The following ANKHD1 variants were observed in gnomAD, a reference collection of about 807,000 sequenced individuals.
The protein encoded by ANKHD1 is ankyrin repeat and KH domain-containing protein 1.
Under a neutral mutation model 230.5 loss-of-function variants are expected in ANKHD1, and 31 were observed. That is an observed-to-expected ratio of 0.13 (90% CI 0.10 to 0.18). The LOEUF (loss-of-function observed/expected upper bound fraction) is 0.18, where lower values mean the gene tolerates loss of function less well. ANKHD1 is among the 10% of genes least tolerant of loss of function. The pLI, the probability that ANKHD1 is intolerant of heterozygous loss-of-function variation, is 1.00. For missense variants in ANKHD1, 2,256 were observed against 3,071.3 expected (o/e 0.73, Z 6.27); for synonymous variants, 1,074 against 1,117.6 (o/e 0.96, Z 0.78).
Position 140,513,289 on chromosome 5 carries a change from T to C in ANKHD1, c.4201-74T>C, listed in dbSNP as rs960562274. On this transcript the variant is annotated intron_variant, in intron 23 of 33. Coordinates refer to ENST00000360839, the MANE Select transcript of ANKHD1 (RefSeq NM_017747.3). Reference sequence around the variant, plus strand: ...AGTTTGAACTTTAACCTCTGGACTTTAATGTGCTCATCAGCTTAAGTTTTA... The same window carrying C: ...AGTTTGAACTTTAACCTCTGGACTTCAATGTGCTCATCAGCTTAAGTTTTA... The C allele has an allele frequency of 5.6e-6, 8 of 1,426,518 alleles. No individual in the cohort carries two copies. In the African/African-American group the frequency reaches 8.7e-5, roughly 15 times the overall value. The allele number at this position is 1,426,518 out of a possible 1,614,324, so 88.4% of individuals were successfully genotyped here.
chr5:140,536,438 G>A (rs1754079350), intron 30 of ANKHD1, among the ~76,000 whole-genome samples: 1 of 152,206 alleles, frequency 6.6e-6, no homozygotes, highest in Admixed American at 6.5e-5. Context: ...GAAGTATGTG[G>A]AATTGAACGG....
chr5:140,505,117 C>G lies in ANKHD1; in HGVS notation c.3151-5C>G. 1 of 1,612,760 alleles carries G rather than the reference C, an allele frequency of 6.2e-7. No homozygotes were observed. The highest frequency in any genetic ancestry group is 8.5e-7 in the Non-Finnish European group (1 of 1,179,702). On this transcript the variant is annotated splice_region_variant and splice_polypyrimidine_tract_variant and intron_variant, in intron 16 of 33. Coordinates refer to ENST00000360839, the MANE Select transcript of ANKHD1 (RefSeq NM_017747.3). ...AAATTTTAACTTATTTTTTTCTTCT[C>G]CTAGACTGAGAGCAATCATGACACA... is the stretch of plus-strand genomic sequence containing the variant.
intron 24 of ANKHD1, among the ~76,000 whole-genome samples, chr5:140,522,939 T>C (rs553217034): frequency 2.0e-5 from 3 of 152,158 alleles, no homozygotes; most frequent in Non-Finnish European, 4.4e-5. Context: ...CATCTATCTT[T>C]CTCTGTGCTT....
chr5:140,405,264 T>G (rs1189574827), intron 1 of ANKHD1, among the ~76,000 whole-genome samples: 1 of 152,184 alleles, frequency 6.6e-6, no homozygotes, highest in Non-Finnish European at 1.5e-5. Context: ...GATACCCACT[T>G]TAGCCTAATC....
At chr5:140,462,442 G>A (rs1386899633) in intron 9 of ANKHD1, among the ~76,000 whole-genome samples, 4 of 151,880 alleles carry the variant, frequency 2.6e-5, no homozygotes, top group African/African-American at 9.7e-5. Flanking sequence ...TATAAAAATG[G>A]CAAGAAAGGC....
chr5:140,524,067 C>T lies in ANKHD1; in HGVS notation c.4319C>T (p.Ser1440Leu), dbSNP rs1470677020. The change falls in exon 25 of 34, where the codon TCA becomes TTA. Residue 1440 changes from serine to leucine, a missense_variant and splice_region_variant. Physicochemically the swap from Ser to Leu is moderately radical, Grantham distance 145. Transcript: ENST00000360839. The stretch of plus-strand genomic sequence containing the variant: ...ATTATATACCTGCTTTATTTCCAGT[C>T]AAGAGAAGAGAGCAGAAAGCAGGCT... ...ILLKELDLEK[S>L]REESRKQALA... 2 of 1,567,986 alleles carry T rather than the reference C, an allele frequency of 1.3e-6. No homozygotes were observed. Among genetic ancestry groups the T allele is most frequent in the African/African-American group, 2.8e-5 (2 of 71,260 alleles).
intron 9 of ANKHD1, among the ~76,000 whole-genome samples, chr5:140,460,994 G>T (rs541593223): frequency 6.6e-6 from 1 of 152,146 alleles, no homozygotes; most frequent in Non-Finnish European, 1.5e-5. Context: ...TTCTCTGCTA[G>T]TGGTTATCTT....
At chr5:140,411,560 C>G (rs1770927264) in intron 1 of ANKHD1, among the ~76,000 whole-genome samples, 1 of 143,502 alleles carries the variant, frequency 7.0e-6, no homozygotes, top group Non-Finnish European at 1.5e-5. Context: ...CACTCTGTTG[C>G]CCAGGCTGGA....
rs903737866 is a variant in ANKHD1 at position 140,445,956 on chromosome 5, A to G, written c.1128A>G (p.Leu376=). ...THSNEFKESA[L]TLACYKGHLD... Reference sequence around the variant, plus strand: ...CTAATGAATTCAAAGAAAGTGCTCTAACACTTGCTTGCTACAAAGGTACTT... The same window carrying G: ...CTAATGAATTCAAAGAAAGTGCTCTGACACTTGCTTGCTACAAAGGTACTT... Residue 376 remains leucine, a synonymous_variant, in exon 6 of 34, where the codon CTA becomes CTG. Transcript: ENST00000360839. 2 of 1,602,948 alleles carry G rather than the reference A, an allele frequency of 1.2e-6. No homozygotes were observed. The highest frequency in any genetic ancestry group is 2.3e-5 in the South Asian group (2 of 88,768).
chr5:140,466,372 CAA>C (rs1045855753), intron 10 of ANKHD1, among the ~76,000 whole-genome samples: 10 of 124,134 alleles, frequency 8.1e-5, no homozygotes, highest in African/African-American at 3.1e-4. Flanking sequence ...GCCTGGGCAA[CAA>C]GAGCAAAAAC....
At position 140,485,399 on chromosome 5, in the gene ANKHD1, C is replaced by CAT; in HGVS notation, c.1998+152_1998+153insTA. 1 of 739,670 alleles carries CAT rather than the reference C, an allele frequency of 1.4e-6. No homozygotes were observed. The allele number at this position is 739,670 out of a possible 1,614,324, so 45.8% of individuals were successfully genotyped here. A position where few individuals can be genotyped will look rare whatever the true frequency, so the allele number is the denominator to read the frequency against. On this transcript the variant is annotated intron_variant, in intron 12 of 33. Coordinates refer to ENST00000360839, the MANE Select transcript of ANKHD1 (RefSeq NM_017747.3). The surrounding 1 kb of genome is among the most constrained non-coding windows in gnomAD (Gnocchi z 4.8). ...TAAGGAGACCCCATCTCTATTAAAA[C>CAT]ACACACACACACACACACACACACA... is the stretch of plus-strand genomic sequence containing the variant.
intron 6 of ANKHD1, among the ~76,000 whole-genome samples, chr5:140,448,293 A>G (rs1774447051): frequency 6.6e-6 from 1 of 152,210 alleles, no homozygotes; most frequent in East Asian, 1.9e-4. Context: ...CTATTGTTGG[A>G]CACTTAAATT....
chr5:140,478,316 A>G (rs1029337503), intron 10 of ANKHD1, among the ~76,000 whole-genome samples: 21 of 151,732 alleles, frequency 1.4e-4, no homozygotes, highest in Non-Finnish European at 2.8e-4. Flanking sequence ...TTAAAAAAAG[A>G]CTACCAAAAC....
At chr5:140,415,541 C>A (rs1009142886) in intron 1 of ANKHD1, among the ~76,000 whole-genome samples, 2 of 146,662 alleles carry the variant, frequency 1.4e-5, no homozygotes, top group Non-Finnish European at 3.0e-5. Flanking sequence ...TGGGTTCAGG[C>A]GATTCTCCTG....
intron 23 of ANKHD1, 132 bp from the exon 24 acceptor site, chr5:140,513,230 CA>C: frequency 3.4e-6 from 3 of 886,156 alleles, no homozygotes; most frequent in Non-Finnish European, 3.3e-6. Flanking sequence ...AGATTGGACT[CA>C]AAGGATAACT....
chr5:140,461,254 G>A (rs1394936241), intron 9 of ANKHD1, among the ~76,000 whole-genome samples: 3 of 152,146 alleles, frequency 2.0e-5, no homozygotes, highest in Non-Finnish European at 4.4e-5. Context: ...AATAGGGACA[G>A]AGTCAACATT....
chr5:140,527,163 G>T lies in ANKHD1; in HGVS notation c.5087+89G>T. 7.0e-7 allele frequency: 1 copy of T among 1,435,190 alleles called. No homozygotes were observed. The highest frequency in any genetic ancestry group is 9.2e-7 in the Non-Finnish European group (1 of 1,088,966). 88.9% of individuals were successfully genotyped at this position (1,435,190 alleles called of 1,614,324 possible). A position where few individuals can be genotyped will look rare whatever the true frequency, so the allele number is the denominator to read the frequency against. On this transcript the variant is annotated intron_variant, in intron 27 of 33. Coordinates refer to ENST00000360839, the MANE Select transcript of ANKHD1 (RefSeq NM_017747.3). This position sits in a 1 kb window ranked among gnomAD's most constrained non-coding sequence, Gnocchi z 4.5. ...TACCTAGTTAATTAATGAATAATTT[G>T]AATGTGGTTATTATTTTAAACTGCA... is the stretch of plus-strand genomic sequence containing the variant.
rs758705351 is a variant in ANKHD1 at position 140,526,387 on chromosome 5, G to T, written c.4884G>T (p.Leu1628=). The stretch of plus-strand genomic sequence containing the variant: ...TGAATTCCTCTAAATACCCCTCACT[G>T]CTCCTTCATTCCCAAGAAGAAAAGA... The part of the protein sequence containing the change: ...MDVNSSKYPS[L]LLHSQEEKTS... The change falls in exon 26 of 34, where the codon CTG becomes CTT. Residue 1628 remains leucine (L), a synonymous_variant. Coordinates refer to ENST00000360839, the MANE Select transcript of ANKHD1 (RefSeq NM_017747.3). 1 of 1,613,962 alleles carries T rather than the reference G, an allele frequency of 6.2e-7. No individual in the cohort carries two copies. The highest frequency in any genetic ancestry group is 2.2e-5 in the East Asian group (1 of 44,882).
chr5:140,442,216 CTTT>C (rs35040209), intron 5 of ANKHD1, among the ~76,000 whole-genome samples: 1 of 151,070 alleles, frequency 6.6e-6, no homozygotes, highest in Non-Finnish European at 1.5e-5. Context: ...ATTTTTTGTA[CTTT>C]TTTAGTAGAG....
Sources: gnomAD v4.1 joint callset for allele counts (sites outside exome capture counted in the v4.1 genomes callset) on GRCh38, gnomAD v4.1.1 for gene constraint, Gnocchi (gnomAD v3.1) non-coding constraint, MANE v1.5 for transcripts, NCBI Gene and HGNC (gene_info 2026-07-23, HGNC 2026-07-21) for gene names.